The following SH2D3C variants were observed in gnomAD, a reference collection of about 807,000 sequenced individuals.
SH2D3C encodes SH2 domain containing 3C.
Under a neutral mutation model 75.2 loss-of-function variants are expected in SH2D3C, and 25 were observed. That is an observed-to-expected ratio of 0.33 (90% CI 0.24 to 0.46). SH2D3C has a LOEUF of 0.46. Ranked by LOEUF, SH2D3C falls within the 20% of genes least tolerant of loss-of-function variation. The pLI is 1.00. For missense variants in SH2D3C, 933 were observed against 1,165.3 expected, an observed-to-expected ratio of 0.80 and a Z score of 2.90; for synonymous variants, 450 against 473.7, an observed-to-expected ratio of 0.95 and a Z score of 0.65.
intron 6 of SH2D3C, among the ~76,000 whole-genome samples, chr9:127,746,472 T>C (rs1382220465): frequency 3.9e-5 from 6 of 152,264 alleles, no homozygotes; most frequent in Non-Finnish European, 7.3e-5. Flanking sequence ...TTAATTTTGC[T>C]GCAAACCTAA....
chr9:127,776,273 G>A (rs1470451322), intron 1 of SH2D3C, among the ~76,000 whole-genome samples: 2 of 151,908 alleles, frequency 1.3e-5, no homozygotes, highest in African/African-American at 2.4e-5. Flanking sequence ...GTAATGAACC[G>A]AGCTCACACC....
chr9:127,773,763 C>G lies in SH2D3C; in HGVS notation c.515+227G>C, dbSNP rs537574981. Among the ~76,000 whole-genome samples, 6 of 151,970 alleles carry G rather than the reference C, an allele frequency of 3.9e-5. No individual in the cohort carries two copies. The East Asian group carries it at 1.2e-3, about 29-fold the overall frequency. ...TGAAATCCTGTCTCTACTAAAAATACAAAAATTAGCCAAGAGTGGTGTTGG... is the reference window on the plus strand; with the variant it reads ...TGAAATCCTGTCTCTACTAAAAATAGAAAAATTAGCCAAGAGTGGTGTTGG... On this transcript the variant is annotated intron_variant, in intron 2 of 11. Coordinates refer to ENST00000314830, the MANE Select transcript of SH2D3C (RefSeq NM_170600.3).
chr9:127,776,110 T>C (rs912349261), intron 1 of SH2D3C, among the ~76,000 whole-genome samples: 10 of 152,110 alleles, frequency 6.6e-5, no homozygotes, highest in Non-Finnish European at 1.2e-4. Flanking sequence ...ATTACAGGGG[T>C]AAGACACCGT....
At chr9:127,763,015 G>A (rs55996464) in intron 2 of SH2D3C, among the ~76,000 whole-genome samples, 7,859 of 152,282 alleles carry the variant, frequency 0.052, 266 homozygotes, top group Non-Finnish European at 0.084. Flanking sequence ...CCTCCAGGCT[G>A]TCTCCCTTGC....
In SH2D3C at chr9:127,739,103, A is replaced by T. The variant is rs983182813; in HGVS notation, c.2408-182T>A. Among the ~76,000 whole-genome samples, 3 of 152,254 alleles carry T rather than the reference A, an allele frequency of 2.0e-5. No individual in the cohort carries two copies. The highest frequency in any genetic ancestry group is 2.9e-5 in the Non-Finnish European group (2 of 68,042). ...TCCTGTTATTTGCAGCATATAATTT[A>T]AAAATGACTAGACCATAAAATATTA... On this transcript the variant is annotated intron_variant, in intron 11 of 11. Coordinates refer to ENST00000314830, the MANE Select transcript of SH2D3C (RefSeq NM_170600.3). This position sits in a 1 kb window ranked among gnomAD's most constrained non-coding sequence, Gnocchi z 4.3.
chr9:127,768,107 C>T (rs559180649), intron 2 of SH2D3C, among the ~76,000 whole-genome samples: 49 of 152,284 alleles, frequency 3.2e-4, no homozygotes, highest in Middle Eastern at 3.4e-3. Flanking sequence ...TGGGCCCCTT[C>T]GGAAGACAAG....
intron 2 of SH2D3C, among the ~76,000 whole-genome samples, chr9:127,763,036 C>T (rs1845567078): frequency 6.6e-6 from 1 of 152,210 alleles, no homozygotes; most frequent in African/African-American, 2.4e-5. Context: ...ACCTCATGTC[C>T]CTTATTCTGC....
chr9:127,741,360 C>A (rs1262974576), intron 9 of SH2D3C, among the ~76,000 whole-genome samples: 1 of 151,868 alleles, frequency 6.6e-6, no homozygotes, highest in Admixed American at 6.6e-5. Context: ...CCTGCCTCAG[C>A]CTCCCGAGTA....
rs1296599489 is a variant in SH2D3C, at chr9:127,774,214, G to C, written c.291C>G (p.Ala97=). 6.2e-7 allele frequency: 1 copy of C among 1,613,928 alleles called. No individual in the cohort carries two copies. Among genetic ancestry groups the C allele is most frequent in the Non-Finnish European group, 8.5e-7 (1 of 1,179,940 alleles). The change falls in exon 2 of 12, where the codon GCC becomes GCG. Residue 97 remains alanine (A), a synonymous_variant. Coordinates refer to ENST00000314830, the MANE Select transcript of SH2D3C (RefSeq NM_170600.3). This position sits in a 1 kb window ranked among gnomAD's most constrained non-coding sequence, Gnocchi z 4.3. ...AGTTGGGCTTGGGACCCGCCTCCTG[G>C]GCCTGCCGGGCAGCCTGTGAGTTCT... is the stretch of plus-strand genomic sequence containing the variant. ...KAQNSQAARQ[A]QEAGPKPNLV...
intron 8 of SH2D3C, 48 bp downstream of exon 8, chr9:127,742,801 G>A (rs149793930): frequency 1.4e-6 from 2 of 1,455,040 alleles, no homozygotes; most frequent in Non-Finnish European, 1.9e-6. Context: ...CGGGGAGTGC[G>A]GTAGCCGGGG....
In SH2D3C at chr9:127,749,451, T is replaced by C; in HGVS notation, c.899A>G (p.His300Arg). ...FDHVPALVRY[H>R]VGSRKAVSEQ... ...TGACACAGCCTTGCGGCTGCCCACA[T>C]GATAGCGCACGAGGGCGGGCACGTG... is the stretch of plus-strand genomic sequence containing the variant. The change falls in exon 5 of 12, where the codon CAT becomes CGT. Residue 300 changes from histidine to arginine, a missense_variant. Physicochemically the swap from His to Arg is conservative, Grantham distance 29 (BLOSUM62 0). Coordinates refer to ENST00000314830, the MANE Select transcript of SH2D3C (RefSeq NM_170600.3). This position sits in a 1 kb window ranked among gnomAD's most constrained non-coding sequence, Gnocchi z 5.9. The C allele has an allele frequency of 6.2e-7, 1 of 1,614,202 alleles. No individual in the cohort carries two copies. Among genetic ancestry groups the C allele is most frequent in the Non-Finnish European group, 8.5e-7 (1 of 1,180,028 alleles).
chr9:127,744,635 T>C lies in SH2D3C; in HGVS notation c.1729A>G (p.Lys577Glu), dbSNP rs1844967535. ...NRPLEVGLLR[K>E]VKELLAEVDA... ...ACTTCTGCCAGCAGCTCCTTGACCT[T>C]GCGCAGAAGGCCCACCTCCAGTGGC... Residue 577 changes from lysine to glutamate, a missense_variant, in exon 7 of 12, where the codon AAG becomes GAG. Coordinates refer to ENST00000314830, the MANE Select transcript of SH2D3C (RefSeq NM_170600.3). 1.2e-6 allele frequency: 2 copies of C among 1,614,104 alleles called. No individual in the cohort carries two copies. The highest frequency in any genetic ancestry group is 1.7e-6 in the Non-Finnish European group (2 of 1,179,970).
At chr9:127,742,256 G>A (rs997729681) in intron 8 of SH2D3C, among the ~76,000 whole-genome samples, 7 of 151,986 alleles carry the variant, frequency 4.6e-5, no homozygotes, top group Non-Finnish European at 1.0e-4. Context: ...TGTTTTTTGA[G>A]ACGGAGTCTC....
intron 8 of SH2D3C, 70 bp downstream of exon 8, chr9:127,742,779 C>T (rs1844901912): frequency 3.2e-6 from 4 of 1,252,420 alleles, no homozygotes; most frequent in East Asian, 2.6e-5. Flanking sequence ...TTGGCCAACC[C>T]GCCCCGTCCA....
chr9:127,739,655 C>A lies in SH2D3C; in HGVS notation c.2407+27G>T, dbSNP rs372764901. ...GTGGAGGGAGGCCCAGGCCTGCAAG[C>A]CCCCCAAGATGCCACCCGCCACTCA... is the stretch of plus-strand genomic sequence containing the variant. On this transcript the variant is annotated intron_variant, in intron 11 of 11. Transcript: ENST00000314830. This position sits in a 1 kb window ranked among gnomAD's most constrained non-coding sequence, Gnocchi z 4.3. 1.9e-6 allele frequency: 3 copies of A among 1,580,302 alleles called. No individual in the cohort carries two copies. The highest frequency in any genetic ancestry group is 3.4e-5 in the Admixed American group (2 of 58,138).
At chr9:127,756,145 C>CA (rs201326107) in intron 3 of SH2D3C, among the ~76,000 whole-genome samples, 4,093 of 152,058 alleles carry the variant, frequency 0.027, 73 homozygotes, top group African/African-American at 0.045. Context: ...ACTAAAAACA[C>CA]AAAAAAATTA....
Position 127,776,834 on chromosome 9 carries a change from G to A in SH2D3C, c.37+1757C>T, listed in dbSNP as rs938230301. On this transcript the variant is annotated intron_variant, in intron 1 of 11. Transcript: ENST00000314830. The stretch of plus-strand genomic sequence containing the variant: ...CAGGGGTTTGCTTCCCAGCCCTGCC[G>A]GCCCTATTTGGTTATTGCCTTGGTC... 7.9e-5 allele frequency among the ~76,000 whole-genome samples: 12 copies of A among 152,168 alleles called. No individual in the cohort carries two copies. The South Asian group carries it at 1.0e-3, about 13-fold the overall frequency.
intron 3 of SH2D3C, chr9:127,755,144 T>C (rs1845337532): frequency 1.6e-6 from 2 of 1,219,072 alleles, no homozygotes; most frequent in African/African-American, 1.6e-5. Context: ...CTCCACAGGC[T>C]GCACCGCTCG....
At chr9:127,740,412 T>C in intron 9 of SH2D3C, 43 bp from the exon 10 acceptor site, 1 of 1,460,094 alleles carries the variant, frequency 6.8e-7, no homozygotes. Context: ...GCAGAGGGCC[T>C]GCAGGGGCCA....
Sources: gnomAD v4.1 joint callset for allele counts (sites outside exome capture counted in the v4.1 genomes callset) on GRCh38, gnomAD v4.1.1 for gene constraint, Gnocchi (gnomAD v3.1) non-coding constraint, MANE v1.5 for transcripts, NCBI Gene and HGNC (gene_info 2026-07-23, HGNC 2026-07-21) for gene names.